COL4A4: variants seen among roughly 807,000 people sequenced by gnomAD.
COL4A4 encodes collagen alpha-4(IV) chain.
Under a neutral mutation model 192.9 loss-of-function variants are expected in COL4A4, and 105 were observed. That is an observed-to-expected ratio of 0.54 (90% confidence interval 0.46 to 0.64). The LOEUF (loss-of-function observed/expected upper bound fraction) is 0.64. COL4A4 is among the 30% of genes least tolerant of loss of function. COL4A4 has a pLI of 0.00. For synonymous variants in COL4A4, 762 were observed against 769.9 expected (o/e 0.99, Z 0.17); for missense variants, 1,967 against 2,169.3 (o/e 0.91, Z 1.85).
chr2:227,144,404 A>T, intron 3 of COL4A4, 112 bp downstream of exon 3: 1 of 872,016 alleles, frequency 1.1e-6, no homozygotes, highest in Non-Finnish European at 1.9e-6. Flanking sequence ...TCTCCATTTT[A>T]CAGGTAAGAA....
At chr2:227,115,213 T>C (rs944030295) in intron 7 of COL4A4, among the ~76,000 whole-genome samples, 4 of 152,002 alleles carry the variant, frequency 2.6e-5, no homozygotes, top group Non-Finnish European at 4.4e-5. Flanking sequence ...AACCTCAGTG[T>C]ATTCTTCCCC....
At chr2:227,153,146 C>G (rs930342279) in intron 1 of COL4A4, among the ~76,000 whole-genome samples, 8 of 152,128 alleles carry the variant, frequency 5.3e-5, no homozygotes, top group Non-Finnish European at 8.8e-5. Flanking sequence ...ACCACAAGAA[C>G]AGTATGGGGC....
At chr2:227,009,271 G>A (rs922404644) in intron 46 of COL4A4, among the ~76,000 whole-genome samples, 3 of 152,154 alleles carry the variant, frequency 2.0e-5, no homozygotes, top group Admixed American at 6.6e-5. Flanking sequence ...GCACCTCACC[G>A]TCAACTGTCC....
Position 227,049,984 on chromosome 2 carries a change from T to C in COL4A4, c.3214+84A>G. On this transcript the variant is annotated intron_variant, in intron 34 of 47. Transcript: ENST00000396625. ...CAGTTTCTTTGATACACTTTGCTTATCATGTAAAAGGCACTTGTTTACAAT... is the reference window on the plus strand; with the variant it reads ...CAGTTTCTTTGATACACTTTGCTTACCATGTAAAAGGCACTTGTTTACAAT... 8 of 1,303,180 alleles carry C rather than the reference T, an allele frequency of 6.1e-6. No homozygotes were observed. In the South Asian group the frequency reaches 9.4e-5, roughly 15 times the overall value. The allele number at this position is 1,303,180 out of a possible 1,614,324, so 80.7% of individuals were successfully genotyped here.
At chr2:227,095,437 A>T (rs1440620954) in intron 19 of COL4A4, among the ~76,000 whole-genome samples, 1 of 152,214 alleles carries the variant, frequency 6.6e-6, no homozygotes, top group Non-Finnish European at 1.5e-5. Context: ...ATGAGGATTA[A>T]ATAAAATAAT....
At position 227,108,588 on chromosome 2, in the gene COL4A4, C is replaced by T; in HGVS notation, c.728G>A (p.Gly243Glu). The T allele has an allele frequency of 6.2e-7, 1 of 1,613,932 alleles. No homozygotes were observed. Among genetic ancestry groups the T allele is most frequent in the Non-Finnish European group, 8.5e-7 (1 of 1,179,826 alleles). ...GCAAGAGGGAATTCTTACCGGGTCT[C>T]CCATTTGCCCCTTTACTCCCACACC... ...NPGVGVKGQM[G>E]DPGEVGQQGS... is the part of the protein sequence containing the mutation. The change falls in exon 12 of 48, where the codon GGA (glycine) becomes GAA (glutamate). Residue 243 changes from glycine (G) to glutamate (E), a missense_variant. By Grantham distance (98) the Gly-to-Glu change is moderately conservative. Coordinates refer to ENST00000396625, the MANE Select transcript of COL4A4 (RefSeq NM_000092.5).
intron 44 of COL4A4, among the ~76,000 whole-genome samples, chr2:227,021,363 T>C (rs185906891): frequency 1.1e-3 from 171 of 152,292 alleles, no homozygotes; most frequent in Non-Finnish European, 1.7e-3. Flanking sequence ...TTGCAGGCTC[T>C]GTTTCCGCTC....
At chr2:227,075,826 T>A (rs1181476079) in intron 25 of COL4A4, among the ~76,000 whole-genome samples, 1 of 152,062 alleles carries the variant, frequency 6.6e-6, no homozygotes, top group East Asian at 1.9e-4. Context: ...TTCACAACCA[T>A]TCCTATACAT....
In COL4A4 at chr2:227,099,652, C is replaced by T; in HGVS notation, c.1067G>A (p.Gly356Asp). The T allele has an allele frequency of 6.2e-7, 1 of 1,614,122 alleles. No homozygotes were observed. The highest frequency in any genetic ancestry group is 8.5e-7 in the Non-Finnish European group (1 of 1,180,012). Residue 356 changes from glycine (G) to aspartate (D), a missense_variant, in exon 18 of 48, where the codon GGT (glycine) becomes GAT (aspartate). Transcript: ENST00000396625. Reference sequence around the variant, plus strand: ...TGGAAGAGGTGGAGTCACCAAAACACCTGGTGGTCCTGGGTGCCCTCGATT... The same window carrying T: ...TGGAAGAGGTGGAGTCACCAAAACATCTGGTGGTCCTGGGTGCCCTCGATT... ...PGNRGHPGPPGVLVTPPLPLK... is the reference protein window; with the variant it reads ...PGNRGHPGPPDVLVTPPLPLK...
chr2:227,049,338 C>T (rs972416126), intron 34 of COL4A4, among the ~76,000 whole-genome samples: 17 of 152,154 alleles, frequency 1.1e-4, no homozygotes, highest in African/African-American at 3.1e-4. Flanking sequence ...AACTAAGGCC[C>T]GTGGGGCCAA....
At chr2:227,010,031 A>G (rs1963277294) in intron 46 of COL4A4, among the ~76,000 whole-genome samples, 1 of 152,214 alleles carries the variant, frequency 6.6e-6, no homozygotes, top group Admixed American at 6.5e-5. Flanking sequence ...ACTGAGGAAG[A>G]ATCATTTTTA....
intron 37 of COL4A4, among the ~76,000 whole-genome samples, chr2:227,041,876 A>AAGAAAG (rs1971437296): frequency 7.3e-6 from 1 of 137,892 alleles, no homozygotes; most frequent in Non-Finnish European, 1.6e-5. Flanking sequence ...GAAAGAAAGA[A>AAGAAAG]AGAAAGAAAG....
the COL4A4 span, among the ~76,000 whole-genome samples, chr2:226,983,057 C>T: frequency 1.3e-5 from 2 of 152,210 alleles, no homozygotes; most frequent in African/African-American, 4.8e-5. Flanking sequence ...TGTACTAAAC[C>T]AAATGCCATG....
chr2:227,114,503 G>A (rs1351425695), intron 8 of COL4A4, 125 bp downstream of exon 8: 2 of 804,838 alleles, frequency 2.5e-6, no homozygotes, highest in Non-Finnish European at 4.5e-6. Flanking sequence ...CTGAGGGTCA[G>A]GGTAATGATA....
intron 46 of COL4A4, among the ~76,000 whole-genome samples, chr2:227,009,696 T>C (rs1298765763): frequency 9.4e-6 from 1 of 106,252 alleles, no homozygotes; most frequent in African/African-American, 4.0e-5. Flanking sequence ...AGACTCCATC[T>C]CAAAAAAAAA....
intron 4 of COL4A4, among the ~76,000 whole-genome samples, chr2:227,132,563 G>T (rs1219555986): frequency 1.3e-5 from 2 of 152,156 alleles, no homozygotes; most frequent in African/African-American, 4.8e-5. Context: ...ATCTCTTGAG[G>T]CCAGGAATTC....
Position 227,054,714 on chromosome 2 carries a change from G to A in COL4A4, c.2740C>T (p.Pro914Ser). ...PKGPRGLPGFPGFPGERGKPG... is the reference protein window; with the variant it reads ...PKGPRGLPGFSGFPGERGKPG... ...TTTCCTCTTTCTCCGGGAAAACCTG[G>A]GAAACCAGGCAGCCCCCGGGGTCCT... The change falls in exon 31 of 48, where the codon CCA becomes TCA. Residue 914 changes from proline (P) to serine (S), a missense_variant. By Grantham distance (74) the Pro-to-Ser change is moderately conservative. Transcript: ENST00000396625. The A allele has an allele frequency of 6.2e-7, 1 of 1,614,144 alleles. No homozygotes were observed. Among genetic ancestry groups the A allele is most frequent in the South Asian group, 1.1e-5 (1 of 91,078 alleles).
At position 227,101,904 on chromosome 2, in the gene COL4A4, AT is replaced by A; in HGVS notation, c.935del (p.Asp312ValfsTer13). ...AACCTGGAGATCCATAGGAACCAGGATCCCCCTAATAAATTCACAAAAATCA... is the reference window on the plus strand; with the variant it reads ...AACCTGGAGATCCATAGGAACCAGGACCCCCTAATAAATTCACAAAAATCA... ...GIPGFPGPRG[D>X]PGSYGSPGFP... On this transcript the variant is annotated frameshift_variant, in exon 16 of 48. Transcript: ENST00000396625. LOFTEE classifies it high-confidence loss of function. 6.3e-7 allele frequency: 1 copy of A among 1,597,340 alleles called. No homozygotes were observed. Among genetic ancestry groups the A allele is most frequent in the South Asian group, 1.1e-5 (1 of 89,190 alleles).
At chr2:227,136,507 T>C (rs1220571178) in intron 4 of COL4A4, among the ~76,000 whole-genome samples, 4 of 152,202 alleles carry the variant, frequency 2.6e-5, no homozygotes, top group Non-Finnish European at 5.9e-5. Flanking sequence ...TGAAAACTCA[T>C]GCTGGGGCTA....
Sources: allele counts gnomAD v4.1 joint callset (sites outside exome capture counted in the v4.1 genomes callset), GRCh38; gene constraint gnomAD v4.1.1; transcripts MANE v1.5; gene names NCBI Gene and HGNC (gene_info 2026-07-23, HGNC 2026-07-21).